Variants in ZBTB20 observed in about 807,000 individuals in gnomAD.
ZBTB20 encodes zinc finger and BTB domain containing 20.
A neutral mutation model predicts 56.9 loss-of-function variants in ZBTB20; 9 were observed. That is an observed-to-expected ratio of 0.16 (90% CI 0.10 to 0.28). ZBTB20 has a LOEUF of 0.28. ZBTB20 is among the 10% of genes least tolerant of loss of function. The pLI is 1.00. For synonymous variants in ZBTB20, 417 were observed against 420.7 expected, an observed-to-expected ratio of 0.99 and a Z score of 0.11; for missense variants, 655 against 1,003.0, an observed-to-expected ratio of 0.65 and a Z score of 4.69.
At position 115,146,957 on chromosome 3, in the gene ZBTB20, G is replaced by A. The variant is rs538550434; in HGVS notation, c.-703+262C>T. Among the ~76,000 whole-genome samples the A allele has an allele frequency of 2.1e-4, 32 of 150,788 alleles. No homozygotes were observed. The South Asian group carries it at 3.3e-3, about 16-fold the overall frequency. On this transcript the variant is annotated intron_variant, in intron 1 of 11. Coordinates refer to ENST00000675478, the MANE Select transcript of ZBTB20 (RefSeq NM_001348800.3). ...CGCCGGGTCGGGCGAGGCAGCCGCCGGGCGCTAAGAAGGGCGCCGGGGGAG... is the reference window on the plus strand; with the variant it reads ...CGCCGGGTCGGGCGAGGCAGCCGCCAGGCGCTAAGAAGGGCGCCGGGGGAG...
intron 5 of ZBTB20, among the ~76,000 whole-genome samples, chr3:114,723,530 T>C (rs1352968042): frequency 6.6e-6 from 1 of 152,204 alleles, no homozygotes; most frequent in Non-Finnish European, 1.5e-5. Flanking sequence ...GATCACTGAT[T>C]CTCAATCCTG....
intron 7 of ZBTB20, among the ~76,000 whole-genome samples, chr3:114,488,048 T>C (rs941050787): frequency 2.6e-5 from 4 of 152,228 alleles, no homozygotes; most frequent in Non-Finnish European, 5.9e-5. Context: ...TTTACATTCA[T>C]GTGAGTGAGC....
At chr3:115,088,415 T>A (rs979971579) in intron 1 of ZBTB20, among the ~76,000 whole-genome samples, 1 of 151,752 alleles carries the variant, frequency 6.6e-6, no homozygotes, top group Non-Finnish European at 1.5e-5. Flanking sequence ...ATTTTGTGGG[T>A]CTTCCTTTAA....
chr3:114,895,678 T>G (rs936657270), intron 4 of ZBTB20, among the ~76,000 whole-genome samples: 3 of 151,956 alleles, frequency 2.0e-5, no homozygotes, highest in Non-Finnish European at 2.9e-5. Flanking sequence ...TTATAAAAAT[T>G]TTTATATTTT....
rs575760223 is a variant in ZBTB20, at chr3:114,944,611, A to T, written c.-456+29755T>A. Among the ~76,000 whole-genome samples the T allele has an allele frequency of 2.7e-5, 4 of 145,788 alleles. 1 individual carries two copies. The South Asian group carries it at 8.5e-4, about 31-fold the overall frequency. ...CATCAGCATAAAAACAGATAAAGAA[A>T]ATGTGTTAAATACACACAACAGAAT... On this transcript the variant is annotated intron_variant, in intron 3 of 11. Coordinates refer to ENST00000675478, the MANE Select transcript of ZBTB20 (RefSeq NM_001348800.3).
Position 114,440,008 on chromosome 3 carries a change from A to G in ZBTB20, c.-254-50903T>C, listed in dbSNP as rs1576767936. On this transcript the variant is annotated intron_variant, in intron 7 of 11. Transcript: ENST00000675478. ...TCTCTATAATCATGCTTAGATTTCA[A>G]AAGTCTTCCATTTCACAGAGGTGAT... is the stretch of plus-strand genomic sequence containing the variant. 2.0e-5 allele frequency among the ~76,000 whole-genome samples: 3 copies of G among 152,192 alleles called. No individual in the cohort carries two copies. In the East Asian group the frequency reaches 5.8e-4, roughly 29 times the overall value.
At chr3:115,095,245 G>C (rs2083337666) in intron 1 of ZBTB20, among the ~76,000 whole-genome samples, 1 of 152,094 alleles carries the variant, frequency 6.6e-6, no homozygotes, top group Non-Finnish European at 1.5e-5. Flanking sequence ...TGAACTCATA[G>C]TCCTTGTTCC....
chr3:115,062,303 T>C (rs2082039842), intron 2 of ZBTB20, among the ~76,000 whole-genome samples: 1 of 152,218 alleles, frequency 6.6e-6, no homozygotes, highest in African/African-American at 2.4e-5. Flanking sequence ...CTCTCTCCCA[T>C]ACACTATCAA....
At position 114,324,733 on chromosome 3, in the gene ZBTB20, A is replaced by G. The variant is rs1216604707; in HGVS notation, c.*14272T>C. The G allele has an allele frequency of 6.6e-6, 1 of 152,208 alleles. No individual in the cohort carries two copies. The highest frequency in any genetic ancestry group is 1.9e-4 in the East Asian group (1 of 5,204). The allele number at this position is 152,208 out of a possible 1,614,324, so 9.4% of individuals were successfully genotyped here. Reference sequence around the variant, plus strand: ...AAAAACATTCATAGTAGGATTTCTTAAGGAGCTTACTTCTTTCTAAAGATT... The same window carrying G: ...AAAAACATTCATAGTAGGATTTCTTGAGGAGCTTACTTCTTTCTAAAGATT... On this transcript the variant is annotated 3_prime_UTR_variant, in exon 12 of 12. Transcript: ENST00000675478.
intron 5 of ZBTB20, among the ~76,000 whole-genome samples, chr3:114,784,301 C>A (rs1400488848): frequency 2.0e-5 from 3 of 152,190 alleles, no homozygotes; most frequent in Non-Finnish European, 4.4e-5. Context: ...AGCTCAACAT[C>A]ATGGCTTTGT....
intron 4 of ZBTB20, among the ~76,000 whole-genome samples, chr3:114,808,000 C>G (rs1299664521): frequency 3.3e-5 from 5 of 151,988 alleles, no homozygotes; most frequent in African/African-American, 1.2e-4. Context: ...TAATATTGTA[C>G]AAATAATTGA....
intron 7 of ZBTB20, among the ~76,000 whole-genome samples, chr3:114,444,677 T>C (rs973858051): frequency 6.6e-6 from 1 of 152,134 alleles, no homozygotes; most frequent in Non-Finnish European, 1.5e-5. Flanking sequence ...ATGAGTAGTT[T>C]AAGCCTGAAT....
intron 6 of ZBTB20, among the ~76,000 whole-genome samples, chr3:114,559,732 G>T (rs1240390141): frequency 6.6e-6 from 1 of 152,156 alleles, no homozygotes; most frequent in Non-Finnish European, 1.5e-5. Flanking sequence ...TCCTATCACT[G>T]GCTGAGTAGA....
intron 1 of ZBTB20, among the ~76,000 whole-genome samples, chr3:115,141,951 C>A (rs2084822961): frequency 6.6e-6 from 1 of 152,158 alleles, no homozygotes; most frequent in South Asian, 2.1e-4. Flanking sequence ...ACTCAACTAT[C>A]TTAGGTGGAT....
At chr3:115,075,381 T>C (rs775660297) in intron 1 of ZBTB20, among the ~76,000 whole-genome samples, 2 of 152,204 alleles carry the variant, frequency 1.3e-5, no homozygotes, top group South Asian at 4.1e-4. Context: ...TCATGTAGTA[T>C]CTGTCTTTCT....
chr3:114,644,618 G>A (rs2059742376), intron 6 of ZBTB20, among the ~76,000 whole-genome samples: 2 of 152,144 alleles, frequency 1.3e-5, no homozygotes, highest in South Asian at 2.1e-4. Flanking sequence ...CTGCATGATT[G>A]TGGAGGAGAG....
chr3:114,471,081 G>T (rs1215421686), intron 7 of ZBTB20, among the ~76,000 whole-genome samples: 2 of 152,112 alleles, frequency 1.3e-5, no homozygotes, highest in African/African-American at 2.4e-5. Flanking sequence ...TGCTGAAAAG[G>T]TCACATCCAG....
At chr3:114,583,874 G>A (rs1252406693) in intron 6 of ZBTB20, among the ~76,000 whole-genome samples, 1 of 152,282 alleles carries the variant, frequency 6.6e-6, no homozygotes, top group South Asian at 2.1e-4. Flanking sequence ...AAAATGTAAT[G>A]TAATCTCTGA....
intron 4 of ZBTB20, chr3:114,861,622 C>T (rs2075532746): frequency 6.6e-6 from 1 of 151,918 alleles, no homozygotes; most frequent in South Asian, 2.1e-4. Context: ...TTATTACCCA[C>T]CATTTAGCTA....
Sources: allele counts gnomAD v4.1 joint callset (sites outside exome capture counted in the v4.1 genomes callset), GRCh38; gene constraint gnomAD v4.1.1; transcripts MANE v1.5; gene names NCBI Gene and HGNC (gene_info 2026-07-23, HGNC 2026-07-21).